Variants in ARFGEF2 observed in about 807,000 individuals in gnomAD.
ARFGEF2 encodes the protein brefeldin A-inhibited guanine nucleotide-exchange protein 2.
In ARFGEF2, 74 loss-of-function variants were observed where a neutral mutation model predicts 219.9. The ratio of observed to expected loss-of-function variants is 0.34; its 90% confidence interval spans 0.28 to 0.41. The LOEUF (loss-of-function observed/expected upper bound fraction) is 0.41, where lower values mean the gene tolerates loss of function less well. Among genes scored for constraint, ARFGEF2 ranks in the 10% least tolerant of loss-of-function variants. The probability of loss-of-function intolerance (pLI) is 1.00; values close to 1 mark genes in which losing one functional copy is unlikely to be tolerated. For synonymous variants in ARFGEF2, 733 were observed against 799.2 expected (o/e 0.92, Z 1.40); for missense variants, 1,743 against 2,218.3 (o/e 0.79, Z 4.30).
At chr20:49,032,833 T>A (rs1271193691) in intron 38 of ARFGEF2, among the ~76,000 whole-genome samples, 190 bp from the exon 39 acceptor site, 5 of 152,058 alleles carry the variant, frequency 3.3e-5, no homozygotes, top group Non-Finnish European at 5.9e-5. Flanking sequence ...GCTCAAGCGA[T>A]CCACCTGCCT....
At chr20:48,962,978 G>A (rs1368239052) in intron 6 of ARFGEF2, among the ~76,000 whole-genome samples, 1 of 152,018 alleles carries the variant, frequency 6.6e-6, no homozygotes, top group Non-Finnish European at 1.5e-5. Context: ...CGATGCCAAG[G>A]TGGTAGATCA....
intron 9 of ARFGEF2, among the ~76,000 whole-genome samples, chr20:48,969,578 A>G (rs2091212441): frequency 6.6e-6 from 1 of 152,214 alleles, no homozygotes; most frequent in African/African-American, 2.4e-5. Flanking sequence ...TAGTGGATTG[A>G]ATCTCTTGAT....
chr20:48,963,826 G>C lies in ARFGEF2; in HGVS notation c.839-4G>C. 3 of 1,613,840 alleles carry C rather than the reference G, an allele frequency of 1.9e-6. No individual in the cohort carries two copies. The highest frequency in any genetic ancestry group is 2.5e-6 in the Non-Finnish European group (3 of 1,179,754). On this transcript the variant is annotated splice_region_variant and splice_polypyrimidine_tract_variant and intron_variant, in intron 6 of 38. Coordinates refer to ENST00000371917, the MANE Select transcript of ARFGEF2 (RefSeq NM_006420.3). ...GTGTTTTGTATATTTGGATGTGTGT[G>C]TAGGGACTGATGACGGAGCCCAGGA...
At chr20:48,980,703 T>A (rs560247410) in intron 14 of ARFGEF2, among the ~76,000 whole-genome samples, 5 of 152,344 alleles carry the variant, frequency 3.3e-5, no homozygotes, top group African/African-American at 1.2e-4. Context: ...TAGTTAGCTC[T>A]TCTTGTTGAA....
rs1214696854 is a variant in ARFGEF2 at position 49,033,025 on chromosome 20, C to T, written c.5184C>T (p.Phe1728=). 6.2e-7 allele frequency: 1 copy of T among 1,613,762 alleles called. No individual in the cohort carries two copies. The highest frequency in any genetic ancestry group is 1.3e-5 in the African/African-American group (1 of 74,896). ...TKTLKINDEK[F]KAHASMYYPY... ...ATCTGTTTCTCTCCCACCTCAAGTT[C>T]AAAGCACATGCTTCAATGTACTACC... The change falls in exon 39 of 39, where the codon TTC becomes TTT. Residue 1728 remains phenylalanine (F), a splice_region_variant and synonymous_variant. Transcript: ENST00000371917.
chr20:49,031,385 A>G (rs1481836910), intron 37 of ARFGEF2, among the ~76,000 whole-genome samples: 2 of 151,842 alleles, frequency 1.3e-5, no homozygotes, highest in Non-Finnish European at 2.9e-5. Flanking sequence ...ACGCACCACC[A>G]CACCCAGCTA....
chr20:49,025,962 A>G (rs1452940331), intron 36 of ARFGEF2, among the ~76,000 whole-genome samples: 1 of 151,316 alleles, frequency 6.6e-6, no homozygotes, highest in East Asian at 2.0e-4. Flanking sequence ...AGCCTGAGTG[A>G]CAGAGCAAGA....
chr20:48,940,787 T>A (rs1171935451), intron 1 of ARFGEF2, among the ~76,000 whole-genome samples: 1 of 152,046 alleles, frequency 6.6e-6, no homozygotes, highest in East Asian at 1.9e-4. Flanking sequence ...GGCAGAGGGG[T>A]CAGGGGTGCT....
intron 3 of ARFGEF2, among the ~76,000 whole-genome samples, chr20:48,950,671 C>T (rs1051879189): frequency 2.7e-5 from 4 of 150,376 alleles, no homozygotes; most frequent in Non-Finnish European, 5.9e-5. Context: ...TGGCATGTGC[C>T]TGTGGTCCCA....
intron 6 of ARFGEF2, among the ~76,000 whole-genome samples, chr20:48,961,520 T>G (rs1278330931): frequency 6.7e-6 from 1 of 148,194 alleles, no homozygotes; most frequent in Non-Finnish European, 1.5e-5. Context: ...TGAGACTTTT[T>G]TACAGCTAAC....
chr20:48,952,229 C>G (rs759002457), intron 4 of ARFGEF2, among the ~76,000 whole-genome samples: 1 of 141,988 alleles, frequency 7.0e-6, no homozygotes, highest in Non-Finnish European at 1.5e-5. Flanking sequence ...AATCTCGGCT[C>G]GCTGCAAACT....
chr20:48,999,622 C>G (rs1224096522), intron 25 of ARFGEF2, among the ~76,000 whole-genome samples: 1 of 151,920 alleles, frequency 6.6e-6, no homozygotes, highest in African/African-American at 2.4e-5. Flanking sequence ...TGGCGAGCGC[C>G]TGTAGTCCCA....
At chr20:48,975,898 T>C in intron 13 of ARFGEF2, 118 bp from the exon 14 acceptor site, 3 of 868,328 alleles carry the variant, frequency 3.5e-6, no homozygotes, top group South Asian at 1.4e-5. Flanking sequence ...ATAATCCTTA[T>C]AGTATTGACT....
chr20:49,005,270 T>C, intron 26 of ARFGEF2, 49 bp downstream of exon 26: 1 of 1,610,742 alleles, frequency 6.2e-7, no homozygotes, highest in African/African-American at 1.3e-5. Context: ...CCGTTGGGGC[T>C]CCCAGAAGCC....
At chr20:48,938,919 A>ATGG (rs2090976682) in intron 1 of ARFGEF2, among the ~76,000 whole-genome samples, 1 of 148,080 alleles carries the variant, frequency 6.8e-6, no homozygotes, top group African/African-American at 2.5e-5. Flanking sequence ...TCTGGCCTCC[A>ATGG]TGGGCCTTTG....
At chr20:49,004,715 C>T (rs1260763675) in intron 25 of ARFGEF2, among the ~76,000 whole-genome samples, 10 of 151,738 alleles carry the variant, frequency 6.6e-5, no homozygotes, top group African/African-American at 1.2e-4. Context: ...TTGCTTGAAC[C>T]GGGGAGATGG....
intron 26 of ARFGEF2, among the ~76,000 whole-genome samples, chr20:49,005,449 C>T (rs1397272858): frequency 2.6e-5 from 4 of 152,008 alleles, no homozygotes; most frequent in East Asian, 1.9e-4. Flanking sequence ...AGAAATATGT[C>T]GTGAACCGGC....
At chr20:48,931,787 C>T (rs2090915018) in intron 1 of ARFGEF2, among the ~76,000 whole-genome samples, 1 of 152,156 alleles carries the variant, frequency 6.6e-6, no homozygotes, top group Non-Finnish European at 1.5e-5. Flanking sequence ...AAGGTGAGAG[C>T]AGAGGGATAG....
At chr20:49,028,385 A>C (rs1010399857) in intron 36 of ARFGEF2, 145 bp from the exon 37 acceptor site, 11 of 872,414 alleles carry the variant, frequency 1.3e-5, no homozygotes, top group East Asian at 1.1e-4. Flanking sequence ...ATGCCACTGC[A>C]CTCCAGCTTA....
Sources: gnomAD v4.1 joint callset for allele counts (sites outside exome capture counted in the v4.1 genomes callset) on GRCh38, gnomAD v4.1.1 for gene constraint, MANE v1.5 for transcripts, NCBI Gene and HGNC (gene_info 2026-07-23, HGNC 2026-07-21) for gene names.